The following USP34 variants were observed in gnomAD, a reference collection of about 807,000 sequenced individuals.
USP34 encodes ubiquitin carboxyl-terminal hydrolase 34.
A neutral mutation model predicts 460.3 loss-of-function variants in USP34; 70 were observed. The ratio of observed to expected loss-of-function variants is 0.15; its 90% confidence interval spans 0.13 to 0.19. The LOEUF (loss-of-function observed/expected upper bound fraction) is 0.19. Ranked by LOEUF, USP34 falls within the 10% of genes least tolerant of loss-of-function variation. The pLI is 1.00. For synonymous variants in USP34, 1,647 were observed against 1,405.3 expected, an observed-to-expected ratio of 1.17 and a Z score of -3.85; for missense variants, 3,985 against 4,236.2, an observed-to-expected ratio of 0.94 and a Z score of 1.65.
chr2:61,245,747 C>G (rs553917897), intron 50 of USP34, among the ~76,000 whole-genome samples: 3 of 150,650 alleles, frequency 2.0e-5, no homozygotes, highest in African/African-American at 7.3e-5. Context: ...ATTCTGCTAA[C>G]TGAAAATCAA....
At chr2:61,321,141 G>A (rs1490213680) in intron 21 of USP34, among the ~76,000 whole-genome samples, 1 of 151,458 alleles carries the variant, frequency 6.6e-6, no homozygotes, top group African/African-American at 2.4e-5. Context: ...ATGCACTTCA[G>A]CCTGGATGAC....
rs369597219 is a variant in USP34 at position 61,256,961 on chromosome 2, C to T, written c.6049-11G>A. The T allele has an allele frequency of 4.8e-4, 709 of 1,482,028 alleles. 2 individuals carry two copies. Among genetic ancestry groups the T allele is most frequent in the Non-Finnish European group, 6.0e-4 (672 of 1,118,984 alleles). 91.8% of individuals were successfully genotyped at this position (1,482,028 alleles called of 1,614,324 possible). ...AACATGTTCACAATCCTAATCAATA[C>T]ACATAAAAAATTAATAAAAACTAGT... On this transcript the variant is annotated splice_polypyrimidine_tract_variant and intron_variant, in intron 46 of 79. Transcript: ENST00000398571.
chr2:61,365,120 T>C (rs1436749835), intron 10 of USP34, among the ~76,000 whole-genome samples: 1 of 150,592 alleles, frequency 6.6e-6, no homozygotes, highest in Non-Finnish European at 1.5e-5. Context: ...GGCATGGAGG[T>C]GCGCGCCTAT....
chr2:61,442,712 A>G (rs1018760823), intron 1 of USP34, among the ~76,000 whole-genome samples: 6 of 152,156 alleles, frequency 3.9e-5, no homozygotes, highest in African/African-American at 1.4e-4. Flanking sequence ...CTCCTCAAAA[A>G]ACTACAAACA....
intron 3 of USP34, among the ~76,000 whole-genome samples, chr2:61,397,791 CGGGA>C (rs1380711082): frequency 6.6e-6 from 1 of 151,774 alleles, no homozygotes; most frequent in Admixed American, 6.6e-5. Context: ...CCCAGCTCCT[CGGGA>C]GGCTGAGGCA....
intron 1 of USP34, among the ~76,000 whole-genome samples, chr2:61,455,821 C>T (rs921393223): frequency 6.6e-6 from 1 of 152,150 alleles, no homozygotes; most frequent in Non-Finnish European, 1.5e-5. Flanking sequence ...TTATTCACTC[C>T]TCACAAAATC....
At chr2:61,295,881 C>T (rs958049858) in intron 30 of USP34, among the ~76,000 whole-genome samples, 1 of 152,188 alleles carries the variant, frequency 6.6e-6, no homozygotes, top group African/African-American at 2.4e-5. Context: ...ATTAGTATAA[C>T]ATTAGGACAT....
intron 20 of USP34, among the ~76,000 whole-genome samples, chr2:61,326,421 G>T (rs1691092055): frequency 6.6e-6 from 1 of 152,096 alleles, no homozygotes; most frequent in African/African-American, 2.4e-5. Flanking sequence ...TAGAGACGGG[G>T]TTTCACCATG....
intron 31 of USP34, 36 bp downstream of exon 31, chr2:61,295,132 A>G (rs1689986633): frequency 6.3e-7 from 1 of 1,599,368 alleles, no homozygotes; most frequent in Non-Finnish European, 8.5e-7. Context: ...CAGAGAGAAT[A>G]CAAACATTTA....
intron 3 of USP34, among the ~76,000 whole-genome samples, chr2:61,401,950 A>G (rs1693734670): frequency 1.3e-5 from 2 of 151,746 alleles, no homozygotes; most frequent in Admixed American, 1.3e-4. Flanking sequence ...ATTATTCAGG[A>G]TAAAAAATGC....
At chr2:61,437,003 C>T (rs1423173607) in intron 1 of USP34, among the ~76,000 whole-genome samples, 2 of 152,050 alleles carry the variant, frequency 1.3e-5, no homozygotes, top group African/African-American at 4.8e-5. Flanking sequence ...AATGAAAATG[C>T]AAATACAACA....
At chr2:61,396,512 G>T (rs182191168) in intron 3 of USP34, among the ~76,000 whole-genome samples, 6 of 150,306 alleles carry the variant, frequency 4.0e-5, no homozygotes, top group Admixed American at 4.0e-4. Flanking sequence ...TTTTTTAGAC[G>T]GAGTCTCGCA....
In USP34 at chr2:61,232,551, G is replaced by C; in HGVS notation, c.7033-19C>G. On this transcript the variant is annotated intron_variant, in intron 57 of 79. Coordinates refer to ENST00000398571, the MANE Select transcript of USP34 (RefSeq NM_014709.4). ...AAAACCACTGTTAAAAAAAAATACA[G>C]CATGACTTTAACATTCAACAAATAT... is the stretch of plus-strand genomic sequence containing the variant. The C allele has an allele frequency of 6.3e-7, 1 of 1,581,884 alleles. No homozygotes were observed. Among genetic ancestry groups the C allele is most frequent in the South Asian group, 1.2e-5 (1 of 86,332 alleles).
At chr2:61,450,097 A>T (rs1251385819) in intron 1 of USP34, among the ~76,000 whole-genome samples, 1 of 85,970 alleles carries the variant, frequency 1.2e-5, no homozygotes, top group African/African-American at 5.1e-5. Context: ...AAAAAGTCTT[A>T]AACAAAAAAA....
At position 61,380,320 on chromosome 2, in the gene USP34, G is replaced by A. The variant is rs780284524; in HGVS notation, c.863C>T (p.Ala288Val). The change falls in exon 7 of 80, where the codon GCA becomes GTA. Residue 288 changes from alanine to valine, a missense_variant. This residue lies in a region of USP34 where 70 missense variants were observed against 109.5 expected (regional missense o/e 0.64). Transcript: ENST00000398571. ...CATTAAGTCAGCCATGTTACGAGCTGCACTCTGTCGTAACTCCTGATCCGA... is the reference window on the plus strand; with the variant it reads ...CATTAAGTCAGCCATGTTACGAGCTACACTCTGTCGTAACTCCTGATCCGA... ...KLSDQELRQSAARNMADLMWS... is the reference protein window; with the variant it reads ...KLSDQELRQSVARNMADLMWS... 12 of 1,613,830 alleles carry A rather than the reference G, an allele frequency of 7.4e-6. No homozygotes were observed. Among genetic ancestry groups the A allele is most frequent in the Non-Finnish European group, 1.0e-5 (12 of 1,179,812 alleles).
chr2:61,202,723 TC>T (rs2103766527), intron 75 of USP34, among the ~76,000 whole-genome samples: 1 of 152,312 alleles, frequency 6.6e-6, no homozygotes, highest in African/African-American at 2.4e-5. Context: ...AGCCCACTGC[TC>T]TTGCCATTGC....
chr2:61,300,852 T>C, intron 29 of USP34, 99 bp downstream of exon 29: 1 of 761,336 alleles, frequency 1.3e-6, no homozygotes, highest in Non-Finnish European at 1.9e-6. Context: ...AAAATTATTA[T>C]ATACTTTATA....
At chr2:61,240,579 A>G (rs1180928127) in intron 53 of USP34, among the ~76,000 whole-genome samples, 1 of 131,900 alleles carries the variant, frequency 7.6e-6, no homozygotes, top group Admixed American at 7.6e-5. Context: ...CGCCCAGCCC[A>G]TTTTTTTTTT....
At chr2:61,461,684 T>C (rs976739336) in intron 1 of USP34, among the ~76,000 whole-genome samples, 1 of 152,126 alleles carries the variant, frequency 6.6e-6, no homozygotes, top group Non-Finnish European at 1.5e-5. Flanking sequence ...AAGGATAATA[T>C]TCAAGACAGG....
Sources: gnomAD v4.1 joint callset for allele counts (sites outside exome capture counted in the v4.1 genomes callset) on GRCh38, gnomAD v4.1.1 for gene constraint, gnomAD v4.1.1 regional missense constraint, MANE v1.5 for transcripts, NCBI Gene and HGNC (gene_info 2026-07-23, HGNC 2026-07-21) for gene names.